Variants in CNTNAP3B observed in about 807,000 individuals in gnomAD.
CNTNAP3B encodes contactin associated protein family member 3B, also known as contactin-associated protein-like 3B.
Under a neutral mutation model 108.9 loss-of-function variants are expected in CNTNAP3B, and 25 were observed. The ratio of observed to expected loss-of-function variants is 0.23; its 90% CI spans 0.17 to 0.32. CNTNAP3B has a LOEUF of 0.32. CNTNAP3B is among the 10% of genes least tolerant of loss of function. The pLI, the probability that CNTNAP3B is intolerant of heterozygous loss-of-function variation, is 1.00. For synonymous variants in CNTNAP3B, 103 were observed against 473.4 expected (o/e 0.22, Z 10.16); for missense variants, 252 against 1,210.4 (o/e 0.21, Z 11.75).
intron 6 of CNTNAP3B, among the ~76,000 whole-genome samples, chr9:41,997,258 AC>A (rs1209623951): frequency 1.3e-5 from 2 of 151,838 alleles, no homozygotes; most frequent in East Asian, 1.9e-4. Context: ...AGTGTAATAT[AC>A]CAGATGAAAT....
In CNTNAP3B at chr9:42,125,658, A is replaced by G. The variant is rs1344917698; in HGVS notation, c.85+3352T>C. On this transcript the variant is annotated intron_variant, in intron 1 of 23. Coordinates refer to ENST00000377561, the MANE Select transcript of CNTNAP3B (RefSeq NM_001201380.3). ...AAATGAATAAAGGCATGTGAACTACATTTTTTGTTTTTTTTTTTTTGTTTT... is the reference window on the plus strand; with the variant it reads ...AAATGAATAAAGGCATGTGAACTACGTTTTTTGTTTTTTTTTTTTTGTTTT... Among the ~76,000 whole-genome samples the G allele has an allele frequency of 1.8e-5, 2 of 113,506 alleles. 1 individual carries two copies. Among genetic ancestry groups the G allele is most frequent in the East Asian group, 6.4e-4 (2 of 3,130 alleles). The allele number at this position is 113,506 out of a possible 152,430, so 74.5% of individuals were successfully genotyped here. A position where few individuals can be genotyped will look rare whatever the true frequency, so the allele number is the denominator to read the frequency against.
chr9:41,966,338 G>T (rs1375058093), intron 10 of CNTNAP3B, among the ~76,000 whole-genome samples: 1 of 151,872 alleles, frequency 6.6e-6, no homozygotes, highest in Non-Finnish European at 1.5e-5. Context: ...TTGGAAATAA[G>T]AACTATTTAA....
chr9:41,959,713 C>T (rs1359439889), intron 12 of CNTNAP3B, among the ~76,000 whole-genome samples: 7 of 152,302 alleles, frequency 4.6e-5, no homozygotes, highest in South Asian at 2.1e-4. Context: ...TAAAGTTTTA[C>T]TATTTTTTGA....
intron 11 of CNTNAP3B, among the ~76,000 whole-genome samples, chr9:41,961,589 A>G (rs1326333397): frequency 1.3e-5 from 2 of 152,304 alleles, no homozygotes; most frequent in Admixed American, 1.3e-4. Context: ...TGCGGCAGTT[A>G]TACCCTTTGC....
intron 14 of CNTNAP3B, among the ~76,000 whole-genome samples, chr9:41,935,710 T>C: frequency 6.6e-6 from 1 of 152,264 alleles, no homozygotes; most frequent in Non-Finnish European, 1.5e-5. Context: ...ACCTGTCTAC[T>C]GGAAGCTGCA....
At chr9:41,943,607 C>A (rs1464072621) in intron 13 of CNTNAP3B, among the ~76,000 whole-genome samples, 1 of 150,868 alleles carries the variant, frequency 6.6e-6, no homozygotes, top group Non-Finnish European at 1.5e-5. Flanking sequence ...CCGCCTCGGC[C>A]TCCCAAAGTG....
At chr9:42,085,924 G>A (rs1438841407) in intron 2 of CNTNAP3B, among the ~76,000 whole-genome samples, 4 of 145,332 alleles carry the variant, frequency 2.8e-5, no homozygotes, top group African/African-American at 5.3e-5. Flanking sequence ...CCAGTTCAAT[G>A]AATATGCCAC....
chr9:42,112,755 T>C lies in CNTNAP3B; in HGVS notation c.86-8016A>G, dbSNP rs1191257299. Among the ~76,000 whole-genome samples, 3 of 136,526 alleles carry C rather than the reference T, an allele frequency of 2.2e-5. 1 individual carries two copies. The highest frequency in any genetic ancestry group is 7.3e-5 in the Admixed American group (1 of 13,606). The allele number at this position is 136,526 out of a possible 152,430, so 89.6% of individuals were successfully genotyped here. The stretch of plus-strand genomic sequence containing the variant: ...TTCAAATGACTTACAGCACTACAAA[T>C]ATAAAGTTATAACAACAGTATACCA... On this transcript the variant is annotated intron_variant, in intron 1 of 23. Coordinates refer to ENST00000377561, the MANE Select transcript of CNTNAP3B (RefSeq NM_001201380.3).
At chr9:42,056,369 G>A (rs1451982750) in intron 3 of CNTNAP3B, among the ~76,000 whole-genome samples, 36 of 121,456 alleles carry the variant, frequency 3.0e-4, no homozygotes, top group African/African-American at 1.1e-3. Context: ...ATTATTATTT[G>A]AGACGGAGTC....
At chr9:41,940,214 T>C (rs1824292837) in intron 13 of CNTNAP3B, among the ~76,000 whole-genome samples, 1 of 152,302 alleles carries the variant, frequency 6.6e-6, no homozygotes, top group Non-Finnish European at 1.5e-5. Context: ...ACTTCCCACA[T>C]GTGGTGAAAG....
intron 13 of CNTNAP3B, among the ~76,000 whole-genome samples, chr9:41,952,112 T>C (rs1033896618): frequency 2.6e-5 from 4 of 152,376 alleles, no homozygotes; most frequent in Admixed American, 6.5e-5. Context: ...CAGGGGCTGA[T>C]TGGCCAGACG....
rs1263643128 is a variant in CNTNAP3B, at chr9:42,095,433, G to A, written c.196+9196C>T. On this transcript the variant is annotated intron_variant, in intron 2 of 23. Transcript: ENST00000377561. ...CGTGGGGAAAATGTAAAACTCTTTT[G>A]GTGCAAGCATTCTGCATCATGTTTC... Among the ~76,000 whole-genome samples, 2 of 138,928 alleles carry A rather than the reference G, an allele frequency of 1.4e-5. 1 individual carries two copies. The highest frequency in any genetic ancestry group is 5.8e-5 in the African/African-American group (2 of 34,688). The allele number at this position is 138,928 out of a possible 152,430, so 91.1% of individuals were successfully genotyped here. A position where few individuals can be genotyped will look rare whatever the true frequency, so the allele number is the denominator to read the frequency against.
At chr9:42,120,553 G>A (rs1291781000) in intron 1 of CNTNAP3B, among the ~76,000 whole-genome samples, 1 of 138,174 alleles carries the variant, frequency 7.2e-6, no homozygotes, top group Non-Finnish European at 1.5e-5. Context: ...ATTCACAATA[G>A]CAAGACTTGG....
chr9:42,051,730 A>C (rs1188712793), intron 3 of CNTNAP3B, among the ~76,000 whole-genome samples: 26 of 149,518 alleles, frequency 1.7e-4, no homozygotes, highest in Admixed American at 4.7e-4. Flanking sequence ...AACTTTTTTT[A>C]TTATTTTGGA....
intron 8 of CNTNAP3B, among the ~76,000 whole-genome samples, chr9:41,990,697 GATGCCAATTTAGGCACA>G (rs1310362973): frequency 3.0e-5 from 4 of 132,930 alleles, no homozygotes; most frequent in African/African-American, 1.2e-4. Flanking sequence ...ATTTAGTTCC[GATGCCAATTTAGGCACA>G]ATGTCAATTT....
At chr9:42,063,651 T>C (rs1157241067) in intron 3 of CNTNAP3B, among the ~76,000 whole-genome samples, 1 of 137,018 alleles carries the variant, frequency 7.3e-6, no homozygotes, top group Admixed American at 7.3e-5. Context: ...CTGCCTTTTT[T>C]CCTTCCTTCC....
chr9:42,033,202 G>A (rs1045563660), intron 3 of CNTNAP3B, among the ~76,000 whole-genome samples: 1 of 141,180 alleles, frequency 7.1e-6, no homozygotes, highest in Non-Finnish European at 1.5e-5. Context: ...CATTAATAAT[G>A]GTCACTATTG....
chr9:41,932,493 G>A (rs1824006759), intron 14 of CNTNAP3B, among the ~76,000 whole-genome samples: 4 of 138,970 alleles, frequency 2.9e-5, no homozygotes, highest in Admixed American at 7.4e-5. Context: ...GAGAAATGTT[G>A]AGTCAACTTT....
At chr9:42,095,763 C>G (rs1448438991) in intron 2 of CNTNAP3B, among the ~76,000 whole-genome samples, 2 of 137,228 alleles carry the variant, frequency 1.5e-5, no homozygotes, top group Non-Finnish European at 3.1e-5. Context: ...GTCGCAGACC[C>G]TTGAAAATTC....
Sources: gnomAD v4.1 joint callset for allele counts (sites outside exome capture counted in the v4.1 genomes callset) on GRCh38, gnomAD v4.1.1 for gene constraint, MANE v1.5 for transcripts, NCBI Gene and HGNC (gene_info 2026-07-23, HGNC 2026-07-21) for gene names.